TPRG1: variants seen among roughly 807,000 people sequenced by gnomAD.
TPRG1 encodes the protein tumor protein p63 regulated 1.
Under a neutral mutation model 29.3 loss-of-function variants are expected in TPRG1, and 29 were observed. The observed-to-expected ratio is 0.99, with a 90% CI of 0.74 to 1.35. The LOEUF (loss-of-function observed/expected upper bound fraction) is 1.35. Ranked by LOEUF, TPRG1 falls within the 40% of genes most tolerant of loss-of-function variation. The probability of loss-of-function intolerance (pLI) is 0.00; values close to 1 mark genes in which losing one functional copy is unlikely to be tolerated. For synonymous variants in TPRG1, 130 were observed against 116.8 expected, an observed-to-expected ratio of 1.11 and a Z score of -0.73; for missense variants, 327 against 335.0, an observed-to-expected ratio of 0.98 and a Z score of 0.19.
chr3:189,069,898 T>C (rs1716704080), intron 4 of TPRG1, among the ~76,000 whole-genome samples: 1 of 152,030 alleles, frequency 6.6e-6, no homozygotes, highest in Non-Finnish European at 1.5e-5. Flanking sequence ...GCCAACATGG[T>C]GAAACCCTGT....
At chr3:189,287,657 A>G (rs1718302419) in intron 4 of TPRG1, among the ~76,000 whole-genome samples, 1 of 152,296 alleles carries the variant, frequency 6.6e-6, no homozygotes, top group Non-Finnish European at 1.5e-5. Flanking sequence ...TCAGCCTCCC[A>G]AAGTGCTGGG....
chr3:189,219,719 T>G (rs1201245726), intron 3 of TPRG1: 2 of 1,254,128 alleles, frequency 1.6e-6, no homozygotes, highest in African/African-American at 1.6e-5. Flanking sequence ...GGAGACAGCA[T>G]CTTCCCTCCA....
At chr3:189,125,975 T>C (rs1028842655) in intron 1 of TPRG1, among the ~76,000 whole-genome samples, 2 of 152,068 alleles carry the variant, frequency 1.3e-5, no homozygotes, top group Admixed American at 6.6e-5. Flanking sequence ...TTGTCTCATA[T>C]CAGATTAACT....
At chr3:189,210,257 A>G (rs1294748326) in intron 2 of TPRG1, among the ~76,000 whole-genome samples, 1 of 152,238 alleles carries the variant, frequency 6.6e-6, no homozygotes, top group Non-Finnish European at 1.5e-5. Context: ...AGTGCATAAC[A>G]CATCTATCAA....
intron 1 of TPRG1, among the ~76,000 whole-genome samples, chr3:189,174,987 T>C (rs527474951): frequency 6.6e-6 from 1 of 152,352 alleles, no homozygotes; most frequent in Admixed American, 6.5e-5. Context: ...TGTTTTCTCT[T>C]ATTCACCCAC....
At chr3:189,097,899 G>A (rs1301637069), upstream of TPRG1, among the ~76,000 whole-genome samples, 1 of 152,152 alleles carries the variant, frequency 6.6e-6, no homozygotes, top group Non-Finnish European at 1.5e-5. Context: ...GGAAATAATT[G>A]GTTTCTGTGT....
chr3:189,055,381 A>G (rs1224181387), intron 4 of TPRG1, among the ~76,000 whole-genome samples: 2 of 152,162 alleles, frequency 1.3e-5, no homozygotes, highest in African/African-American at 4.8e-5. Context: ...GCGAAGTGGA[A>G]CCAATAGAAA....
At chr3:189,141,459 C>G (rs78436592) in intron 3 of TPRG1, among the ~76,000 whole-genome samples, 2 of 152,124 alleles carry the variant, frequency 1.3e-5, no homozygotes, top group African/African-American at 4.8e-5. Context: ...GCTGCTCTTG[C>G]CACCAAGAAG....
intron 4 of TPRG1, among the ~76,000 whole-genome samples, chr3:189,075,174 C>T (rs1488323006): frequency 6.6e-6 from 1 of 151,716 alleles, no homozygotes; most frequent in Non-Finnish European, 1.5e-5. Flanking sequence ...AGTCTGTTGC[C>T]CAGGCTGGAG....
intron 5 of TPRG1, among the ~76,000 whole-genome samples, chr3:189,157,392 G>A (rs1202540706): frequency 6.6e-6 from 1 of 152,156 alleles, no homozygotes; most frequent in African/African-American, 2.4e-5. Flanking sequence ...TGACTCACAT[G>A]TCCACGGGAC....
chr3:189,173,408 C>T (rs559690879), intron 1 of TPRG1, among the ~76,000 whole-genome samples: 4 of 145,948 alleles, frequency 2.7e-5, no homozygotes, highest in African/African-American at 7.6e-5. Flanking sequence ...GGCGCGATCT[C>T]GGCTCACTGC....
intron 1 of TPRG1, among the ~76,000 whole-genome samples, chr3:189,184,177 G>A (rs961964768): frequency 4.6e-5 from 7 of 152,034 alleles, no homozygotes; most frequent in South Asian, 2.1e-4. Context: ...GTTACTAACC[G>A]TGTGACCCTG....
intron 4 of TPRG1, among the ~76,000 whole-genome samples, chr3:189,299,580 ACT>A (rs1453466881): frequency 2.0e-5 from 3 of 151,116 alleles, no homozygotes; most frequent in Non-Finnish European, 4.4e-5. Context: ...GAGTCAGATC[ACT>A]CTGCTCTGAG....
At chr3:189,146,370 A>T (rs1725264858) in intron 3 of TPRG1, among the ~76,000 whole-genome samples, 1 of 152,192 alleles carries the variant, frequency 6.6e-6, no homozygotes, top group African/African-American at 2.4e-5. Context: ...AGACTTAGAC[A>T]ATTACTAGGA....
At chr3:189,304,077 T>C (rs985975622) in intron 4 of TPRG1, among the ~76,000 whole-genome samples, 7 of 152,022 alleles carry the variant, frequency 4.6e-5, no homozygotes, top group Admixed American at 3.9e-4. Context: ...CTTCTGAGAA[T>C]TTCTCATATT....
At chr3:189,150,213 C>T (rs1394841015) in intron 4 of TPRG1, among the ~76,000 whole-genome samples, 9 of 152,174 alleles carry the variant, frequency 5.9e-5, no homozygotes, top group Non-Finnish European at 1.5e-5. Context: ...GACGGAGTCT[C>T]ACTCTGTCGC....
rs56383691 is a variant in TPRG1 at position 189,068,158 on chromosome 3, G to A, written c.-463+44212G>A. Among the ~76,000 whole-genome samples the A allele has an allele frequency of 4.9e-3, 750 of 152,160 alleles. 7 individuals are homozygous for A. Among genetic ancestry groups the A allele is most frequent in the African/African-American group, 0.016 (657 of 41,512 alleles). On this transcript the variant is annotated intron_variant, in intron 4 of 10. Transcript: ENST00000433971. ...CAGTTAAAGTGACTTTTATCCAAAA[G>A]AGGCAATTGCTGGCAAGAATGTGGA...
At chr3:189,299,566 G>C (rs138769907) in intron 4 of TPRG1, among the ~76,000 whole-genome samples, 8 of 150,996 alleles carry the variant, frequency 5.3e-5, no homozygotes, top group African/African-American at 1.2e-4. Context: ...AATAAAAACA[G>C]CTGGAGTCAG....
At chr3:189,268,706 C>T (rs891521074) in intron 4 of TPRG1, among the ~76,000 whole-genome samples, 1 of 152,176 alleles carries the variant, frequency 6.6e-6, no homozygotes, top group Non-Finnish European at 1.5e-5. Context: ...TAGGGAAGGG[C>T]TCCTAGTCTT....
Sources: allele counts gnomAD v4.1 joint callset (sites outside exome capture counted in the v4.1 genomes callset), GRCh38; gene constraint gnomAD v4.1.1; transcripts MANE v1.5; gene names NCBI Gene and HGNC (gene_info 2026-07-23, HGNC 2026-07-21).